Variants in EPHA6 observed in about 807,000 individuals in gnomAD.
EPHA6 encodes the protein EPH receptor A6.
In EPHA6, 50 loss-of-function variants were observed where a neutral mutation model predicts 112.0. The observed-to-expected ratio is 0.45, with a 90% confidence interval of 0.36 to 0.56. EPHA6 has a LOEUF of 0.56. Among genes scored for constraint, EPHA6 ranks in the 20% least tolerant of loss-of-function variants. The pLI is 0.00. For missense variants in EPHA6, 1,280 were observed against 1,417.4 expected (o/e 0.90, Z 1.56); for synonymous variants, 529 against 490.7 (o/e 1.08, Z -1.03).
chr3:97,279,054 A>G (rs987766842), intron 5 of EPHA6, among the ~76,000 whole-genome samples: 2 of 152,192 alleles, frequency 1.3e-5, no homozygotes, highest in Non-Finnish European at 2.9e-5. Context: ...ATTATAATCT[A>G]TTACACTCAC....
chr3:97,275,104 T>C (rs1428592299), intron 5 of EPHA6, among the ~76,000 whole-genome samples: 1 of 152,110 alleles, frequency 6.6e-6, no homozygotes, highest in Admixed American at 6.5e-5. Context: ...TAAGGTCAAG[T>C]TGTTTGGACA....
chr3:97,494,502 C>T (rs542527512), intron 10 of EPHA6, among the ~76,000 whole-genome samples: 2 of 152,232 alleles, frequency 1.3e-5, no homozygotes, highest in East Asian at 1.9e-4. Flanking sequence ...GCTGTAATTT[C>T]CCTATCCGTG....
intron 14 of EPHA6, among the ~76,000 whole-genome samples, chr3:97,652,633 G>T: frequency 6.6e-6 from 1 of 151,908 alleles, no homozygotes; most frequent in East Asian, 1.9e-4. Flanking sequence ...TTATTGCTTT[G>T]AATATGGTTT....
chr3:97,335,648 C>T (rs1252287669), intron 5 of EPHA6, among the ~76,000 whole-genome samples: 3 of 152,092 alleles, frequency 2.0e-5, no homozygotes, highest in Non-Finnish European at 4.4e-5. Context: ...GGGAGGGACA[C>T]AATTCTGTCC....
At chr3:96,888,877 G>A (rs917899889) in intron 2 of EPHA6, among the ~76,000 whole-genome samples, 2 of 152,114 alleles carry the variant, frequency 1.3e-5, no homozygotes, top group African/African-American at 4.8e-5. Flanking sequence ...CACATTGTCA[G>A]GCTAAAAATT....
At chr3:96,934,575 A>G (rs1228525772) in intron 2 of EPHA6, among the ~76,000 whole-genome samples, 2 of 151,446 alleles carry the variant, frequency 1.3e-5, no homozygotes, top group Non-Finnish European at 3.0e-5. Flanking sequence ...TAAACTACCT[A>G]TTGAGTATAA....
intron 5 of EPHA6, among the ~76,000 whole-genome samples, chr3:97,402,270 T>C (rs1214387080): frequency 2.0e-5 from 3 of 152,114 alleles, no homozygotes; most frequent in Non-Finnish European, 4.4e-5. Context: ...CCCCAACTGC[T>C]GTTGTATTGG....
At chr3:97,345,747 C>T (rs1020786191) in intron 5 of EPHA6, among the ~76,000 whole-genome samples, 3 of 152,056 alleles carry the variant, frequency 2.0e-5, no homozygotes, top group Non-Finnish European at 4.4e-5. Context: ...AACCTTTACC[C>T]ACAAATTATT....
intron 10 of EPHA6, among the ~76,000 whole-genome samples, chr3:97,527,587 C>G (rs1339780415): frequency 6.6e-6 from 1 of 152,074 alleles, no homozygotes; most frequent in Admixed American, 6.6e-5. Flanking sequence ...CTATATTGGA[C>G]AGATGAGATT....
chr3:97,196,154 G>T (rs2077435817), intron 3 of EPHA6, among the ~76,000 whole-genome samples: 1 of 150,316 alleles, frequency 6.7e-6, no homozygotes, highest in African/African-American at 2.4e-5. Context: ...GATCTCGTAG[G>T]CATTCTTCCT....
intron 3 of EPHA6, among the ~76,000 whole-genome samples, chr3:97,225,235 G>A (rs1559810522): frequency 6.6e-6 from 1 of 152,134 alleles, no homozygotes; most frequent in South Asian, 2.1e-4. Flanking sequence ...GATTACAGGC[G>A]TGAGCCACCG....
intron 10 of EPHA6, among the ~76,000 whole-genome samples, chr3:97,512,405 A>C (rs892043645): frequency 2.6e-5 from 4 of 152,204 alleles, no homozygotes; most frequent in Non-Finnish European, 4.4e-5. Flanking sequence ...AATAAATAGT[A>C]ATTCAGGACA....
At chr3:96,984,922 G>A (rs957561036) in intron 2 of EPHA6, among the ~76,000 whole-genome samples, 3 of 152,212 alleles carry the variant, frequency 2.0e-5, no homozygotes, top group African/African-American at 7.2e-5. Context: ...GGGTGGGAGT[G>A]ACCCAATTTT....
intron 10 of EPHA6, among the ~76,000 whole-genome samples, chr3:97,518,558 A>G (rs2107612032): frequency 6.6e-6 from 1 of 151,030 alleles, no homozygotes; most frequent in South Asian, 2.1e-4. Context: ...GATCCTCCAT[A>G]CTGTTTTCCA....
At chr3:97,682,982 TACA>T (rs2031977859) in intron 14 of EPHA6, among the ~76,000 whole-genome samples, 1 of 152,180 alleles carries the variant, frequency 6.6e-6, no homozygotes. Flanking sequence ...AAATACCAGC[TACA>T]ACGAAAACCT....
intron 1 of EPHA6, among the ~76,000 whole-genome samples, chr3:96,851,231 T>A (rs1559771913): frequency 6.6e-6 from 1 of 152,152 alleles, no homozygotes; most frequent in East Asian, 1.9e-4. Flanking sequence ...TAAAAGAAGG[T>A]TATTTTATAT....
chr3:96,995,080 A>T (rs566532467), intron 3 of EPHA6, among the ~76,000 whole-genome samples: 49 of 152,190 alleles, frequency 3.2e-4, no homozygotes, highest in African/African-American at 1.1e-3. Context: ...TAAATGGGAT[A>T]TACAGGGCCT....
chr3:97,074,273 G>A (rs1289209520), intron 3 of EPHA6, among the ~76,000 whole-genome samples: 1 of 151,850 alleles, frequency 6.6e-6, no homozygotes, highest in African/African-American at 2.4e-5. Context: ...TACTTATGTA[G>A]AATATTAATA....
intron 2 of EPHA6, among the ~76,000 whole-genome samples, chr3:96,894,999 A>G (rs958420151): frequency 1.3e-5 from 2 of 152,208 alleles, no homozygotes; most frequent in South Asian, 2.1e-4. Flanking sequence ...CTTACAAGCA[A>G]ATCTGTGATG....
Sources: gnomAD v4.1 joint callset for allele counts (sites outside exome capture counted in the v4.1 genomes callset) on GRCh38, gnomAD v4.1.1 for gene constraint, MANE v1.5 for transcripts, NCBI Gene and HGNC (gene_info 2026-07-23, HGNC 2026-07-21) for gene names.